The following ASPRV1 variants were observed in gnomAD, a reference collection of about 807,000 sequenced individuals.
ASPRV1 encodes retroviral-like aspartic protease 1.
A neutral mutation model predicts 11.0 loss-of-function variants in ASPRV1; 7 were observed. That is an observed-to-expected ratio of 0.64 (90% CI 0.36 to 1.20). The LOEUF (loss-of-function observed/expected upper bound fraction) is 1.20, where lower values mean the gene tolerates loss of function less well. Ranked by LOEUF, ASPRV1 falls within the 50% of genes most tolerant of loss-of-function variation. The pLI, the probability that ASPRV1 is intolerant of heterozygous loss-of-function variation, is 0.02. For synonymous variants in ASPRV1, 136 were observed against 138.4 expected, an observed-to-expected ratio of 0.98 and a Z score of 0.12; for missense variants, 299 against 320.0, an observed-to-expected ratio of 0.93 and a Z score of 0.50.
chr2:70,037,167 C>T, the ASPRV1 span, among the ~76,000 whole-genome samples: 1 of 152,222 alleles, frequency 6.6e-6, no homozygotes, highest in Non-Finnish European at 1.5e-5. Context: ...ATCCATCTTC[C>T]CCTTCTAGAG....
chr2:70,082,486 A>C, the ASPRV1 span, among the ~76,000 whole-genome samples: 1 of 152,090 alleles, frequency 6.6e-6, no homozygotes, highest in Non-Finnish European at 1.5e-5. Context: ...CGGGGCAGGC[A>C]GATCACCTGA....
chr2:70,078,593 C>A, the ASPRV1 span, among the ~76,000 whole-genome samples: 1 of 151,972 alleles, frequency 6.6e-6, no homozygotes. Context: ...GCAGAAAAAG[C>A]AACTACAAAG....
the ASPRV1 span, chr2:70,030,442 T>C: frequency 1.3e-5 from 2 of 152,170 alleles, no homozygotes; most frequent in African/African-American, 4.8e-5. Flanking sequence ...TCCCTCTCGG[T>C]TTCCCACCTT....
chr2:69,954,643 C>A, the ASPRV1 span, among the ~76,000 whole-genome samples: 2 of 152,178 alleles, frequency 1.3e-5, no homozygotes, highest in Non-Finnish European at 2.9e-5. Flanking sequence ...GTCCTTGCCT[C>A]CCTGTTTTCT....
chr2:70,014,307 A>G, the ASPRV1 span, among the ~76,000 whole-genome samples: 1 of 152,220 alleles, frequency 6.6e-6, no homozygotes, highest in African/African-American at 2.4e-5. Flanking sequence ...AGAAATTTAA[A>G]TATTCCACAA....
the ASPRV1 span, among the ~76,000 whole-genome samples, chr2:70,039,846 C>T: frequency 6.6e-6 from 1 of 152,216 alleles, no homozygotes; most frequent in Non-Finnish European, 1.5e-5. Context: ...ACATCCTAAA[C>T]ATCTTACATT....
At chr2:70,064,632 A>G in the ASPRV1 span, among the ~76,000 whole-genome samples, 12 of 152,206 alleles carry the variant, frequency 7.9e-5, no homozygotes, top group African/African-American at 2.9e-4. Context: ...AAGAGATGTC[A>G]TGAGCTGGAG....
the ASPRV1 span, among the ~76,000 whole-genome samples, chr2:70,035,700 T>C: frequency 6.6e-6 from 1 of 150,988 alleles, no homozygotes; most frequent in Non-Finnish European, 1.5e-5. Flanking sequence ...GTCAGTTAAA[T>C]AATTTAATCC....
At chr2:70,002,558 C>T in the ASPRV1 span, among the ~76,000 whole-genome samples, 4 of 152,204 alleles carry the variant, frequency 2.6e-5, no homozygotes, top group African/African-American at 9.7e-5. Context: ...ATGAAGATGC[C>T]TATTGTCCTG....
chr2:69,963,078 C>T, upstream of ASPRV1: 2 of 356,780 alleles, frequency 5.6e-6, no homozygotes, highest in South Asian at 4.1e-5. Flanking sequence ...CCAGCAGTAC[C>T]CTGCCTTTGG....
the ASPRV1 span, among the ~76,000 whole-genome samples, chr2:69,951,584 T>G: frequency 0.011 from 1,630 of 150,320 alleles, 20 homozygotes; most frequent in African/African-American, 0.036. Flanking sequence ...TAAACATATA[T>G]ATAGATAGAT....
upstream of ASPRV1, chr2:69,962,703 A>G (rs2104287551): frequency 6.3e-6 from 1 of 159,590 alleles, no homozygotes; most frequent in East Asian, 1.8e-4. Flanking sequence ...TCCCCATTCA[A>G]AGGTCACTCC....
At chr2:70,071,529 G>C in the ASPRV1 span, 1 of 152,092 alleles carries the variant, frequency 6.6e-6, no homozygotes, top group Non-Finnish European at 1.5e-5. Flanking sequence ...ATCACCTGAG[G>C]TCAGGAGTTC....
chr2:69,980,868 T>C, the ASPRV1 span, among the ~76,000 whole-genome samples: 5 of 152,304 alleles, frequency 3.3e-5, no homozygotes, highest in African/African-American at 1.2e-4. Context: ...CTCCCCCTCC[T>C]GGATTCAAGT....
the ASPRV1 span, chr2:70,045,641 T>C: frequency 3.9e-5 from 6 of 152,232 alleles, no homozygotes; most frequent in Middle Eastern, 0.017. Flanking sequence ...CCATATTAAC[T>C]CTGGGGGCGG....
chr2:69,956,702 C>T (rs1677949771), downstream of ASPRV1, among the ~76,000 whole-genome samples: 1 of 152,128 alleles, frequency 6.6e-6, no homozygotes, highest in South Asian at 2.1e-4. Context: ...CCCCACAAGA[C>T]ACTTACTCAT....
the ASPRV1 span, among the ~76,000 whole-genome samples, chr2:70,044,100 GAAA>G: frequency 3.3e-5 from 5 of 152,024 alleles, no homozygotes; most frequent in Non-Finnish European, 5.9e-5. Context: ...CTGGTTCTCA[GAAA>G]TCAATCTTAT....
chr2:70,078,713 A>T, the ASPRV1 span, among the ~76,000 whole-genome samples: 1 of 152,214 alleles, frequency 6.6e-6, no homozygotes, highest in Admixed American at 6.5e-5. Flanking sequence ...AGTGGTGTGA[A>T]TCCTACATGG....
At chr2:70,046,100 T>C in the ASPRV1 span, 1 of 152,090 alleles carries the variant, frequency 6.6e-6, no homozygotes, top group African/African-American at 2.4e-5. Flanking sequence ...ACACCTCAAA[T>C]CAACAACAGG....
Sources: allele counts gnomAD v4.1 joint callset (sites outside exome capture counted in the v4.1 genomes callset), GRCh38; gene constraint gnomAD v4.1.1; transcripts MANE v1.5; gene names NCBI Gene and HGNC (gene_info 2026-07-23, HGNC 2026-07-21).